The following MEGF11 variants were observed in gnomAD, a reference collection of about 807,000 sequenced individuals.
MEGF11 encodes multiple EGF like domains 11.
Under a neutral mutation model 146.6 loss-of-function variants are expected in MEGF11, and 126 were observed. That is an observed-to-expected ratio of 0.86 (90% confidence interval 0.74 to 1.00). MEGF11 has a LOEUF of 1.00. Ranked by LOEUF, MEGF11 falls within the 50% of genes least tolerant of loss-of-function variation. MEGF11 has a pLI of 0.00. For synonymous variants in MEGF11, 532 were observed against 583.4 expected, an observed-to-expected ratio of 0.91 and a Z score of 1.27; for missense variants, 1,509 against 1,521.2, an observed-to-expected ratio of 0.99 and a Z score of 0.13.
chr15:66,251,602 C>A (rs560978727), intron 1 of MEGF11, among the ~76,000 whole-genome samples: 3 of 152,330 alleles, frequency 2.0e-5, no homozygotes, highest in Admixed American at 1.3e-4. Context: ...ACCTCACACA[C>A]ACCCAGCCCT....
intron 10 of MEGF11, among the ~76,000 whole-genome samples, chr15:65,939,883 A>G (rs887176984): frequency 5.3e-5 from 8 of 152,208 alleles, no homozygotes; most frequent in African/African-American, 9.7e-5. Flanking sequence ...TAATGAAATA[A>G]TCATTTAAAA....
At chr15:65,912,394 C>T (rs1457861262) in intron 20 of MEGF11, 194 bp from the exon 21 acceptor site, 3 of 373,764 alleles carry the variant, frequency 8.0e-6, no homozygotes, top group African/African-American at 2.1e-5. Flanking sequence ...CCTTCCCTTA[C>T]GCTGGTCCTC....
chr15:65,910,920 G>A (rs1349516703), intron 21 of MEGF11, among the ~76,000 whole-genome samples: 2 of 152,196 alleles, frequency 1.3e-5, no homozygotes, highest in African/African-American at 4.8e-5. Context: ...AGGCACAGGT[G>A]GGTGTCCAGA....
chr15:65,957,832 C>T (rs976661781), intron 9 of MEGF11, 111 bp from the exon 10 acceptor site: 4 of 988,068 alleles, frequency 4.0e-6, no homozygotes, highest in Non-Finnish European at 6.0e-6. Flanking sequence ...ATCAAAGGAC[C>T]TCTGGGATTA....
chr15:66,042,639 G>A (rs948936558), intron 5 of MEGF11, among the ~76,000 whole-genome samples: 3 of 152,186 alleles, frequency 2.0e-5, no homozygotes, highest in Non-Finnish European at 4.4e-5. Context: ...GAAATCCCAA[G>A]TCCTGGCAGG....
At position 66,154,974 on chromosome 15, in the gene MEGF11, A is replaced by G. The variant is rs549466505; in HGVS notation, c.-8-26563T>C. Among the ~76,000 whole-genome samples the G allele has an allele frequency of 2.0e-5, 3 of 152,370 alleles. No individual in the cohort carries two copies. The East Asian group carries it at 5.8e-4, about 29-fold the overall frequency. Reference sequence around the variant, plus strand: ...ACCATCAAGCTCTCTGAGAGCCAACAAGATTCCCTTCAGGGGAAACTGAAG... The same window carrying G: ...ACCATCAAGCTCTCTGAGAGCCAACGAGATTCCCTTCAGGGGAAACTGAAG... On this transcript the variant is annotated intron_variant, in intron 1 of 25. Transcript: ENST00000395614.
chr15:66,162,287 T>C (rs1436737772), intron 1 of MEGF11, among the ~76,000 whole-genome samples: 1 of 152,218 alleles, frequency 6.6e-6, no homozygotes, highest in Non-Finnish European at 1.5e-5. Flanking sequence ...GTGAATGTGC[T>C]TACTGCCACC....
Position 66,169,323 on chromosome 15 carries a change from G to A in MEGF11, c.-8-40912C>T, listed in dbSNP as rs144683184. On this transcript the variant is annotated intron_variant, in intron 1 of 25. Coordinates refer to ENST00000395614, the MANE Select transcript of MEGF11 (RefSeq NM_001385028.1). The stretch of plus-strand genomic sequence containing the variant: ...TCCCTGGCTTCAGCCCCCAGCCTCC[G>A]ACCCTCCACCGTCTGCCCAACAAAA... 3.9e-5 allele frequency among the ~76,000 whole-genome samples: 6 copies of A among 152,272 alleles called. No homozygotes were observed. In the East Asian group the frequency reaches 5.8e-4, roughly 15 times the overall value.
intron 5 of MEGF11, among the ~76,000 whole-genome samples, chr15:66,091,258 C>A (rs1408622628): frequency 6.6e-6 from 1 of 152,192 alleles, no homozygotes; most frequent in African/African-American, 2.4e-5. Flanking sequence ...CCCCAAATAG[C>A]ATGTAGCAAG....
intron 5 of MEGF11, among the ~76,000 whole-genome samples, chr15:66,004,583 G>A (rs1277499188): frequency 6.6e-6 from 1 of 152,048 alleles, no homozygotes; most frequent in Non-Finnish European, 1.5e-5. Flanking sequence ...CTTCTCAACA[G>A]CCACCATTCC....
chr15:66,202,337 A>G (rs2091184494), intron 1 of MEGF11, among the ~76,000 whole-genome samples: 1 of 152,214 alleles, frequency 6.6e-6, no homozygotes, highest in Non-Finnish European at 1.5e-5. Flanking sequence ...TGTTTTCACA[A>G]TGAAATATTT....
At chr15:65,971,732 A>G (rs966674310) in intron 7 of MEGF11, among the ~76,000 whole-genome samples, 11 of 152,300 alleles carry the variant, frequency 7.2e-5, no homozygotes, top group East Asian at 1.9e-4. Context: ...CAGGTGTCCA[A>G]TTGGCTTTTC....
intron 6 of MEGF11, among the ~76,000 whole-genome samples, chr15:65,981,779 T>C (rs2081647857): frequency 6.6e-6 from 1 of 152,150 alleles, no homozygotes; most frequent in South Asian, 2.1e-4. Flanking sequence ...CTCCCAAATC[T>C]GTACATGGTA....
chr15:65,930,778 T>A, intron 11 of MEGF11, 45 bp downstream of exon 11: 1 of 1,531,898 alleles, frequency 6.5e-7, no homozygotes, highest in Non-Finnish European at 8.8e-7. Context: ...ACCTGGGGAA[T>A]GTGCTCATAT....
At chr15:66,002,926 G>A (rs1231130204) in intron 5 of MEGF11, among the ~76,000 whole-genome samples, 1 of 152,108 alleles carries the variant, frequency 6.6e-6, no homozygotes, top group African/African-American at 2.4e-5. Context: ...AAGGTCACAG[G>A]ATGAACCAGG....
intron 1 of MEGF11, among the ~76,000 whole-genome samples, chr15:66,232,037 T>G (rs1267454952): frequency 6.6e-6 from 1 of 152,176 alleles, no homozygotes; most frequent in Non-Finnish European, 1.5e-5. Flanking sequence ...CCCACATTAC[T>G]GAGATGATGG....
chr15:65,965,613 C>CTTTTTTTTTTTTTTTTTTTTT (rs1186551497), intron 8 of MEGF11, among the ~76,000 whole-genome samples: 1 of 53,522 alleles, frequency 1.9e-5, no homozygotes, highest in Non-Finnish European at 3.2e-5. Flanking sequence ...TTTTTTTTTT[C>CTTTTTTTTTTTTTTTTTTTTT]TTTTTTTTTT....
intron 5 of MEGF11, among the ~76,000 whole-genome samples, chr15:66,070,643 C>T (rs557284637): frequency 1.1e-3 from 169 of 152,340 alleles, no homozygotes; most frequent in South Asian, 2.1e-3. Flanking sequence ...CTAAGGTGAA[C>T]GTCATCTTAC....
At chr15:66,154,215 C>T (rs1289336194) in intron 1 of MEGF11, among the ~76,000 whole-genome samples, 1 of 152,254 alleles carries the variant, frequency 6.6e-6, no homozygotes, top group Non-Finnish European at 1.5e-5. Context: ...GAAACAACAA[C>T]ATCATAACTG....
Sources: gnomAD v4.1 joint callset for allele counts (sites outside exome capture counted in the v4.1 genomes callset) on GRCh38, gnomAD v4.1.1 for gene constraint, MANE v1.5 for transcripts, NCBI Gene and HGNC (gene_info 2026-07-23, HGNC 2026-07-21) for gene names.